The following SMIM36 variants were observed in gnomAD, a reference collection of about 807,000 sequenced individuals.
SMIM36 encodes small integral membrane protein 36.
At chr17:55,471,303 ATCT>A (rs1320745461) in intron 3 of SMIM36, among the ~76,000 whole-genome samples, 2 of 152,056 alleles carry the variant, frequency 1.3e-5, no homozygotes, top group African/African-American at 4.8e-5. Context: ...TATTTTGATG[ATCT>A]TCTTCTTTGC....
chr17:55,481,839 T>C (rs759639483), intron 1 of SMIM36, among the ~76,000 whole-genome samples: 9 of 152,184 alleles, frequency 5.9e-5, no homozygotes, highest in Non-Finnish European at 1.0e-4. Flanking sequence ...GACTACAGGC[T>C]TATGCCACTA....
chr17:55,454,178 A>G (rs911035065), intron 4 of SMIM36: 2 of 152,232 alleles, frequency 1.3e-5, no homozygotes, highest in African/African-American at 4.8e-5. Context: ...GAATATTCAT[A>G]TTTAAAAAGT....
chr17:55,461,426 A>G (rs181905655), intron 4 of SMIM36, among the ~76,000 whole-genome samples: 3 of 152,312 alleles, frequency 2.0e-5, no homozygotes, highest in East Asian at 1.9e-4. Flanking sequence ...GACATTCTGG[A>G]AAAGGTGAAA....
At chr17:55,474,324 T>C (rs994616577) in intron 3 of SMIM36, among the ~76,000 whole-genome samples, 3 of 152,174 alleles carry the variant, frequency 2.0e-5, no homozygotes, top group African/African-American at 7.2e-5. Context: ...GGAGCATCCC[T>C]GCAGGGGACT....
At chr17:55,489,937 C>T (rs912665671) in intron 1 of SMIM36, among the ~76,000 whole-genome samples, 1 of 152,042 alleles carries the variant, frequency 6.6e-6, no homozygotes, top group African/African-American at 2.4e-5. Context: ...CAACCTCTGC[C>T]TCCTGGGTTC....
chr17:55,498,400 C>T (rs758270767), intron 1 of SMIM36, among the ~76,000 whole-genome samples: 33 of 152,122 alleles, frequency 2.2e-4, no homozygotes, highest in Admixed American at 6.6e-4. Flanking sequence ...ATGCCCCTTC[C>T]CCTCAACACC....
chr17:55,514,881 A>G (rs1480769618), upstream of SMIM36, among the ~76,000 whole-genome samples: 2 of 152,190 alleles, frequency 1.3e-5, no homozygotes, highest in Admixed American at 1.3e-4. Context: ...TTGATAAAAT[A>G]TGGTATCCCA....
At chr17:55,530,119 T>A in the SMIM36 span, among the ~76,000 whole-genome samples, 1 of 152,212 alleles carries the variant, frequency 6.6e-6, no homozygotes, top group Non-Finnish European at 1.5e-5. Flanking sequence ...AACAAAGCTT[T>A]AAAAATCCCC....
At chr17:55,496,993 C>T (rs1438289998) in intron 1 of SMIM36, among the ~76,000 whole-genome samples, 1 of 152,172 alleles carries the variant, frequency 6.6e-6, no homozygotes, top group East Asian at 1.9e-4. Flanking sequence ...GTCTGGCATT[C>T]ACTAAGTGGC....
At chr17:55,484,338 G>C (rs532017007) in intron 1 of SMIM36, among the ~76,000 whole-genome samples, 1 of 152,186 alleles carries the variant, frequency 6.6e-6, no homozygotes, top group Non-Finnish European at 1.5e-5. Flanking sequence ...AAAAATTCTA[G>C]CCAATAAATA....
upstream of SMIM36, among the ~76,000 whole-genome samples, chr17:55,516,042 A>AT (rs890790462): frequency 1.3e-5 from 2 of 152,226 alleles, no homozygotes; most frequent in African/African-American, 4.8e-5. Context: ...ATGAAAGAAA[A>AT]TTACTGTATG....
At chr17:55,452,126 G>GAAAA (rs35861811) in intron 4 of SMIM36, among the ~76,000 whole-genome samples, 1 of 136,072 alleles carries the variant, frequency 7.3e-6, no homozygotes, top group Non-Finnish European at 1.5e-5. Context: ...AAAAAAAAAG[G>GAAAA]AAACACTTTT....
intron 1 of SMIM36, among the ~76,000 whole-genome samples, chr17:55,501,752 C>A (rs997388182): frequency 2.0e-5 from 3 of 151,356 alleles, no homozygotes; most frequent in South Asian, 2.1e-4. Context: ...GGAACAGCTC[C>A]GGTCTACAGC....
chr17:55,492,025 G>A (rs1413718853), intron 1 of SMIM36, among the ~76,000 whole-genome samples: 1 of 151,722 alleles, frequency 6.6e-6, no homozygotes, highest in Non-Finnish European at 1.5e-5. Context: ...TGGGCGTGGT[G>A]GCAGGCACCT....
chr17:55,519,920 G>T, the SMIM36 span, among the ~76,000 whole-genome samples: 2 of 152,150 alleles, frequency 1.3e-5, no homozygotes, highest in Non-Finnish European at 2.9e-5. Context: ...TTTTGTGGTT[G>T]CTCTAACAAA....
chr17:55,462,308 G>C (rs1293510112), intron 4 of SMIM36, among the ~76,000 whole-genome samples: 2 of 152,102 alleles, frequency 1.3e-5, no homozygotes, highest in Admixed American at 1.3e-4. Context: ...TCTGAAAAAT[G>C]GGCTAATAAA....
At position 55,508,721 on chromosome 17, in the gene SMIM36, G is replaced by A. The variant is rs970409257; in HGVS notation, c.*174+2158C>T. 3.3e-5 allele frequency among the ~76,000 whole-genome samples: 5 copies of A among 151,586 alleles called. No homozygotes were observed. The East Asian group carries it at 7.7e-4, about 23-fold the overall frequency. ...GCGGATCACCTGAGGTCGGGAGTTC[G>A]AGACCAGCCTGGCTAACATGGTGAA... On this transcript the variant is annotated intron_variant, in intron 1 of 4. Coordinates refer to ENST00000636752, the Ensembl canonical transcript of SMIM36.
chr17:55,513,146 A>G (rs1228677840), upstream of SMIM36, among the ~76,000 whole-genome samples: 1 of 152,184 alleles, frequency 6.6e-6, no homozygotes, highest in Non-Finnish European at 1.5e-5. Context: ...TCAACCCTAG[A>G]TCTACTGAGT....
chr17:55,485,879 A>T (rs1477221772), intron 1 of SMIM36, among the ~76,000 whole-genome samples: 1 of 152,154 alleles, frequency 6.6e-6, no homozygotes, highest in Non-Finnish European at 1.5e-5. Flanking sequence ...TGAACTAGGC[A>T]GTATATCACT....
Sources: allele counts gnomAD v4.1 joint callset (sites outside exome capture counted in the v4.1 genomes callset), GRCh38; gene constraint gnomAD v4.1.1; transcripts MANE v1.5; gene names NCBI Gene and HGNC (gene_info 2026-07-23, HGNC 2026-07-21).